DYNC2I1: variants seen among roughly 807,000 people sequenced by gnomAD.
The protein encoded by DYNC2I1 is dynein 2 intermediate chain 1.
In DYNC2I1, 89 loss-of-function variants were observed where a neutral mutation model predicts 133.4. That is an observed-to-expected ratio of 0.67 (90% CI 0.56 to 0.80). The LOEUF (loss-of-function observed/expected upper bound fraction) is 0.80. DYNC2I1 is among the 30% of genes least tolerant of loss of function. The pLI is 0.00. For synonymous variants in DYNC2I1, 504 were observed against 484.3 expected (o/e 1.04, Z -0.54); for missense variants, 1,291 against 1,314.5 (o/e 0.98, Z 0.28).
chr7:158,896,770 G>A (rs1017504518), intron 8 of DYNC2I1, among the ~76,000 whole-genome samples: 1 of 151,954 alleles, frequency 6.6e-6, no homozygotes, highest in Non-Finnish European at 1.5e-5. Context: ...ACTGTGCCTG[G>A]CCCTATGTGA....
chr7:158,874,085 T>A lies in DYNC2I1; in HGVS notation c.490+2523T>A, dbSNP rs77521688. On this transcript the variant is annotated intron_variant, in intron 3 of 24. Coordinates refer to ENST00000407559, the MANE Select transcript of DYNC2I1 (RefSeq NM_018051.5). ...GCACCTGGATAATTAAAAAAAATTG[T>A]TTGTAGAGATGGGGCTCCACATGTT... Among the ~76,000 whole-genome samples the A allele has an allele frequency of 2.8e-4, 43 of 152,240 alleles. No individual in the cohort carries two copies. In the East Asian group the frequency reaches 7.7e-3, roughly 27 times the overall value.
chr7:158,854,744 G>A (rs2129475267), upstream of DYNC2I1, among the ~76,000 whole-genome samples: 1 of 152,352 alleles, frequency 6.6e-6, no homozygotes, highest in Admixed American at 6.5e-5. Flanking sequence ...ACAGCTTGGA[G>A]GTTAGAAGCA....
intron 14 of DYNC2I1, among the ~76,000 whole-genome samples, chr7:158,915,724 G>T (rs866251989): frequency 1.4e-5 from 2 of 145,456 alleles, no homozygotes; most frequent in Non-Finnish European, 3.0e-5. Flanking sequence ...GTGAAACGTC[G>T]ACACGCTGGT....
chr7:158,944,085 T>A (rs181880207), intron 24 of DYNC2I1, among the ~76,000 whole-genome samples: 1 of 152,046 alleles, frequency 6.6e-6, no homozygotes, highest in East Asian at 1.9e-4. Flanking sequence ...AAGGAAGGAG[T>A]TTAGATACAA....
At chr7:158,884,482 T>G (rs1371200374) in intron 5 of DYNC2I1, 82 bp from the exon 6 acceptor site, 6 of 1,336,298 alleles carry the variant, frequency 4.5e-6, no homozygotes, top group Non-Finnish European at 6.2e-6. Flanking sequence ...AATCTGTGCT[T>G]GTTTTGTGGG....
At chr7:158,867,018 G>GTTTTTT (rs35720744) in intron 1 of DYNC2I1, among the ~76,000 whole-genome samples, 1 of 121,164 alleles carries the variant, frequency 8.3e-6, no homozygotes, top group African/African-American at 3.0e-5. Flanking sequence ...GACTAAATCT[G>GTTTTTT]TTTTTTTTTT....
chr7:158,839,689 G>A, the DYNC2I1 span, among the ~76,000 whole-genome samples: 747 of 152,184 alleles, frequency 4.9e-3, 6 homozygotes, highest in African/African-American at 0.017. Context: ...GCGTGGTGGC[G>A]GGCGCCTGTA....
intron 8 of DYNC2I1, among the ~76,000 whole-genome samples, chr7:158,900,322 AT>A (rs1389243464): frequency 6.6e-6 from 1 of 151,986 alleles, no homozygotes; most frequent in Non-Finnish European, 1.5e-5. Flanking sequence ...GGGTTTCACC[AT>A]GTTAGTCAGG....
chr7:158,915,234 G>A lies in DYNC2I1; in HGVS notation c.1791+913G>A, dbSNP rs567203680. 2.0e-3 allele frequency among the ~76,000 whole-genome samples: 302 copies of A among 151,674 alleles called. 2 individuals are homozygous for A. Among genetic ancestry groups the A allele is most frequent in the African/African-American group, 4.3e-3 (177 of 41,268 alleles). ...ACATTAAGGATGACTGTGAAACATC[G>A]ACATGCTGGTTGACATTAAGAATGA... is the stretch of plus-strand genomic sequence containing the variant. On this transcript the variant is annotated intron_variant, in intron 14 of 24. Transcript: ENST00000407559.
chr7:158,928,394 G>A (rs1849841231), intron 20 of DYNC2I1, among the ~76,000 whole-genome samples: 1 of 151,832 alleles, frequency 6.6e-6, no homozygotes, highest in Non-Finnish European at 1.5e-5. Context: ...AATAATATGA[G>A]TGAGACCGGC....
chr7:158,888,998 A>G (rs1358478546), intron 7 of DYNC2I1, among the ~76,000 whole-genome samples: 17 of 149,798 alleles, frequency 1.1e-4, no homozygotes, highest in African/African-American at 4.9e-5. Context: ...ATATATTGGT[A>G]TGTATATTTA....
In DYNC2I1 at chr7:158,934,518, A is replaced by T; in HGVS notation, c.2747A>T (p.Asp916Val). The change falls in exon 23 of 25, where the codon GAT becomes GTT. Residue 916 changes from aspartate to valine, a missense_variant. Asp to Val is a radical substitution (Grantham distance 152). Coordinates refer to ENST00000407559, the MANE Select transcript of DYNC2I1 (RefSeq NM_018051.5). The stretch of plus-strand genomic sequence containing the variant: ...AGACCAGTGAAAGTTAATGTCATTG[A>T]TTTTTCACCATTTGGAGAACCAATA... ...GIRPVKVNVIDFSPFGEPIFL... is the reference protein window; with the variant it reads ...GIRPVKVNVIVFSPFGEPIFL... 6.4e-7 allele frequency: 1 copy of T among 1,556,928 alleles called. No homozygotes were observed. The highest frequency in any genetic ancestry group is 8.7e-7 in the Non-Finnish European group (1 of 1,149,586).
chr7:158,915,348 G>C (rs1371925157), intron 14 of DYNC2I1, among the ~76,000 whole-genome samples: 1 of 119,850 alleles, frequency 8.3e-6, no homozygotes, highest in Non-Finnish European at 1.8e-5. Flanking sequence ...GTGAAACGTC[G>C]ACACGCTGGT....
At chr7:158,856,878 A>C in intron 1 of DYNC2I1, 128 bp downstream of exon 1, 3 of 1,111,708 alleles carry the variant, frequency 2.7e-6, no homozygotes, top group Non-Finnish European at 3.4e-6. Flanking sequence ...GGCTTCCCGG[A>C]GGAGCCGCGG....
At chr7:158,883,199 T>C (rs996194154) in intron 5 of DYNC2I1, among the ~76,000 whole-genome samples, 1 of 150,792 alleles carries the variant, frequency 6.6e-6, no homozygotes, top group African/African-American at 2.4e-5. Flanking sequence ...ACTTTCTCTA[T>C]ATGATATTTT....
chr7:158,934,326 T>TC (rs397712487), intron 22 of DYNC2I1, 92 bp from the exon 23 acceptor site: 2 of 1,536,236 alleles, frequency 1.3e-6, no homozygotes, highest in Non-Finnish European at 1.7e-6. Context: ...ACTCTTTTCT[T>TC]TATAAAGTTT....
At chr7:158,878,775 G>A (rs1843671196) in intron 4 of DYNC2I1, among the ~76,000 whole-genome samples, 1 of 138,078 alleles carries the variant, frequency 7.2e-6, no homozygotes, top group South Asian at 2.4e-4. Context: ...GGGGAGGCCA[G>A]GAGGGCCGAC....
chr7:158,957,145 T>C (rs1563224050), downstream of DYNC2I1, among the ~76,000 whole-genome samples: 3 of 152,332 alleles, frequency 2.0e-5, no homozygotes, highest in East Asian at 5.8e-4. Flanking sequence ...TTTGCCACCT[T>C]CTCTAAATCT....
chr7:158,939,756 C>T (rs2657354), intron 23 of DYNC2I1, among the ~76,000 whole-genome samples: 73,712 of 151,856 alleles, frequency 0.49, 18,445 homozygotes, highest in Non-Finnish European at 0.54. Context: ...CACACTCATA[C>T]TAAAAGGGTG....
Sources: allele counts gnomAD v4.1 joint callset (sites outside exome capture counted in the v4.1 genomes callset), GRCh38; gene constraint gnomAD v4.1.1; transcripts MANE v1.5; gene names NCBI Gene and HGNC (gene_info 2026-07-23, HGNC 2026-07-21).